The following PLCE1 variants were observed in gnomAD, a reference collection of about 807,000 sequenced individuals.
PLCE1 encodes the protein phospholipase C epsilon 1.
A neutral mutation model predicts 242.8 loss-of-function variants in PLCE1; 119 were observed. The ratio of observed to expected loss-of-function variants is 0.49; its 90% CI spans 0.42 to 0.57. PLCE1 has a LOEUF of 0.57. Ranked by LOEUF, PLCE1 falls within the 20% of genes least tolerant of loss-of-function variation. The pLI, the probability that PLCE1 is intolerant of heterozygous loss-of-function variation, is 0.00. For synonymous variants in PLCE1, 945 were observed against 1,017.4 expected, an observed-to-expected ratio of 0.93 and a Z score of 1.35; for missense variants, 2,441 against 2,788.8, an observed-to-expected ratio of 0.88 and a Z score of 2.81.
chr10:94,204,755 G>C (rs1282387463), intron 4 of PLCE1, among the ~76,000 whole-genome samples: 1 of 86,862 alleles, frequency 1.2e-5, no homozygotes, highest in Non-Finnish European at 2.6e-5. Context: ...AGGGAGGAAG[G>C]AAGGAAGGAA....
intron 31 of PLCE1, 95 bp from the exon 32 acceptor site, chr10:94,324,797 A>G (rs1364875064): frequency 7.9e-7 from 1 of 1,271,290 alleles, no homozygotes; most frequent in Non-Finnish European, 1.1e-6. Context: ...CCAAAGCTCT[A>G]GAGAGAAGAG....
At chr10:94,033,592 C>T in intron 2 of PLCE1, among the ~76,000 whole-genome samples, 1 of 151,798 alleles carries the variant, frequency 6.6e-6, no homozygotes, top group African/African-American at 2.4e-5. Flanking sequence ...TTTTTTTCCT[C>T]AACCAGATTT....
chr10:94,019,622 G>A (rs1048993420), intron 1 of PLCE1, among the ~76,000 whole-genome samples: 1 of 152,202 alleles, frequency 6.6e-6, no homozygotes, highest in Admixed American at 6.5e-5. Flanking sequence ...CTAGCCACAT[G>A]TGACTCTTGG....
intron 1 of PLCE1, among the ~76,000 whole-genome samples, chr10:93,996,408 A>C (rs191420462): frequency 1.3e-5 from 2 of 152,316 alleles, no homozygotes; most frequent in East Asian, 1.9e-4. Flanking sequence ...GAGGGAAGAC[A>C]GGTGATTAGG....
chr10:94,070,780 TTC>T (rs1198610889), intron 2 of PLCE1, among the ~76,000 whole-genome samples: 3 of 152,180 alleles, frequency 2.0e-5, no homozygotes, highest in Admixed American at 6.5e-5. Context: ...TCATTGTTTA[TTC>T]TATACCTTCA....
chr10:94,246,013 C>T lies in PLCE1; in HGVS notation c.2488C>T (p.His830Tyr), dbSNP rs1298895117. ...TGAGCAATCCAAAGAATACGACTCT[C>T]ATGGTTCAGAGGACTCACAGAAGGC... ...IFEQSKEYDS[H>Y]GSEDSQKAFD... Residue 830 changes from histidine to tyrosine, a missense_variant, in exon 8 of 33, where the codon CAT becomes TAT. Physicochemically the swap from His to Tyr is moderately conservative, Grantham distance 83. Transcript: ENST00000371380. 4 of 1,614,052 alleles carry T rather than the reference C, an allele frequency of 2.5e-6. No individual in the cohort carries two copies. The highest frequency in any genetic ancestry group is 2.5e-6 in the Non-Finnish European group (3 of 1,179,956).
At position 94,325,716 on chromosome 10, in the gene PLCE1, A is replaced by G. The variant is rs1412057323; in HGVS notation, c.*24+612A>G. On this transcript the variant is annotated intron_variant, in intron 32 of 32. Transcript: ENST00000371380. Reference sequence around the variant, plus strand: ...TCCCAAGAAGTCAATCAACTTGCCCAAAGTACTCTGATAGCCTTATTTCAT... The same window carrying G: ...TCCCAAGAAGTCAATCAACTTGCCCGAAGTACTCTGATAGCCTTATTTCAT... 3.3e-5 allele frequency: 5 copies of G among 152,444 alleles called. No individual in the cohort carries two copies. The East Asian group carries it at 5.8e-4, about 18-fold the overall frequency. The allele number at this position is 152,444 out of a possible 1,614,324, so 9.4% of individuals were successfully genotyped here.
chr10:94,210,391 C>G (rs1264770314), intron 4 of PLCE1, among the ~76,000 whole-genome samples: 3 of 151,998 alleles, frequency 2.0e-5, no homozygotes, highest in Non-Finnish European at 2.9e-5. Context: ...ATTATCAGAC[C>G]CCTAGGCTCC....
At chr10:93,995,959 T>C (rs2060811230) in intron 1 of PLCE1, among the ~76,000 whole-genome samples, 1 of 152,256 alleles carries the variant, frequency 6.6e-6, no homozygotes, top group Non-Finnish European at 1.5e-5. Context: ...AAAAAACTGT[T>C]TGATGTGCAA....
At chr10:94,289,275 A>G (rs2052567961) in intron 22 of PLCE1, among the ~76,000 whole-genome samples, 1 of 152,172 alleles carries the variant, frequency 6.6e-6, no homozygotes, top group Non-Finnish European at 1.5e-5. Context: ...CTCAGGAAGG[A>G]AAAGTAGCCG....
intron 23 of PLCE1, among the ~76,000 whole-genome samples, chr10:94,296,324 C>T (rs1206861000): frequency 4.0e-5 from 6 of 150,108 alleles, no homozygotes; most frequent in Non-Finnish European, 4.4e-5. Flanking sequence ...CAAGATCGCA[C>T]CACTGCACTC....
Position 94,246,025 on chromosome 10 carries a change from G to A in PLCE1, c.2500G>A (p.Asp834Asn). Residue 834 changes from aspartate to asparagine, a missense_variant, in exon 8 of 33, where the codon GAC becomes AAC. Transcript: ENST00000371380. ...AGAATACGACTCTCATGGTTCAGAG[G>A]ACTCACAGAAGGCCTTCGACCATGG... is the stretch of plus-strand genomic sequence containing the variant. Reference protein sequence around the residue: ...SKEYDSHGSEDSQKAFDHGTE... With the variant: ...SKEYDSHGSENSQKAFDHGTE... 1 of 1,614,086 alleles carries A rather than the reference G, an allele frequency of 6.2e-7. No individual in the cohort carries two copies. Among genetic ancestry groups the A allele is most frequent in the Non-Finnish European group, 8.5e-7 (1 of 1,179,980 alleles).
At chr10:94,279,280 G>A (rs765509163) in intron 19 of PLCE1, 69 of 173,770 alleles carry the variant, frequency 4.0e-4, no homozygotes, top group Admixed American at 9.1e-4. Context: ...TCAGAAAGCC[G>A]TTTGAAAACA....
chr10:94,114,434 A>G (rs577883494), intron 2 of PLCE1, among the ~76,000 whole-genome samples: 4 of 152,340 alleles, frequency 2.6e-5, no homozygotes, highest in Non-Finnish European at 4.4e-5. Context: ...GCTGCACTTC[A>G]GAGCCAGCAA....
intron 3 of PLCE1, among the ~76,000 whole-genome samples, chr10:94,136,496 C>T (rs1470481412): frequency 1.3e-5 from 2 of 152,074 alleles, no homozygotes; most frequent in Non-Finnish European, 2.9e-5. Context: ...AAGAAAGAAC[C>T]GAAACGCTCC....
chr10:94,306,349 G>C lies in PLCE1; in HGVS notation c.5623-78G>C. 6.2e-7 allele frequency: 1 copy of C among 1,611,738 alleles called. No homozygotes were observed. ...AGTGTTCTTGGGATTCCTTTGCAGA[G>C]GGAAGCAGTGAGGTGCAGAGGTTGT... is the stretch of plus-strand genomic sequence containing the variant. On this transcript the variant is annotated intron_variant, in intron 25 of 32. Coordinates refer to ENST00000371380, the MANE Select transcript of PLCE1 (RefSeq NM_016341.4). The surrounding 1 kb of genome is among the most constrained non-coding windows in gnomAD (Gnocchi z 5.7).
At chr10:94,290,987 G>A (rs1388446288) in intron 22 of PLCE1, among the ~76,000 whole-genome samples, 2 of 152,052 alleles carry the variant, frequency 1.3e-5, no homozygotes, top group Non-Finnish European at 2.9e-5. Context: ...TCTTAAATGG[G>A]ACCACCATCA....
At chr10:94,211,352 GACTGT>G (rs753946697) in intron 4 of PLCE1, among the ~76,000 whole-genome samples, 7 of 152,228 alleles carry the variant, frequency 4.6e-5, no homozygotes, top group Non-Finnish European at 7.3e-5. Context: ...AGCAAGTTAT[GACTGT>G]AGGTGTCCTG....
chr10:94,128,620 G>A (rs1224007305), intron 2 of PLCE1, among the ~76,000 whole-genome samples: 1 of 152,134 alleles, frequency 6.6e-6, no homozygotes, highest in Non-Finnish European at 1.5e-5. Flanking sequence ...TTTATTAATA[G>A]TTTCTTGGAG....
Sources: gnomAD v4.1 joint callset for allele counts (sites outside exome capture counted in the v4.1 genomes callset) on GRCh38, gnomAD v4.1.1 for gene constraint, Gnocchi (gnomAD v3.1) non-coding constraint, MANE v1.5 for transcripts, NCBI Gene and HGNC (gene_info 2026-07-23, HGNC 2026-07-21) for gene names.